The following LTBP1 variants were observed in gnomAD, a reference collection of about 807,000 sequenced individuals.
LTBP1 encodes the protein latent-transforming growth factor beta-binding protein 1.
LTBP1 carries 129 observed loss-of-function variants against 207.6 expected under a neutral mutation model. The observed-to-expected ratio is 0.62, with a 90% CI of 0.54 to 0.72. The LOEUF is 0.72. Ranked by LOEUF, LTBP1 falls within the 30% of genes least tolerant of loss-of-function variation. LTBP1 has a pLI of 0.00. For synonymous variants in LTBP1, 963 were observed against 833.7 expected (o/e 1.16, Z -2.67); for missense variants, 2,281 against 2,217.2 (o/e 1.03, Z -0.58).
chr2:33,257,371 A>G lies in LTBP1; in HGVS notation c.2255A>G (p.Lys752Arg). 6.2e-7 allele frequency: 1 copy of G among 1,614,178 alleles called. No individual in the cohort carries two copies. The highest frequency in any genetic ancestry group is 8.5e-7 in the Non-Finnish European group (1 of 1,180,024). ...AGGCCAATCCATCACCATGTAGGTA[A>G]AGGACCTGTATTTGTCAAGCCAAAG... ...RRRPIHHHVG[K>R]GPVFVKPKNT... Residue 752 changes from lysine to arginine, a missense_variant, in exon 12 of 34, where the codon AAA becomes AGA. Around this residue, in one of 3 missense-constraint regions of LTBP1, gnomAD observed 1,671 missense variants for 1,634.8 expected, o/e 1.02. Transcript: ENST00000404816.
intron 5 of LTBP1, among the ~76,000 whole-genome samples, chr2:33,152,214 G>A (rs2083595530): frequency 6.6e-6 from 1 of 151,926 alleles, no homozygotes; most frequent in African/African-American, 2.4e-5. Flanking sequence ...ACTCAAAAAA[G>A]CAGTAAGAAA....
intron 7 of LTBP1, among the ~76,000 whole-genome samples, chr2:33,205,789 A>G (rs918993741): frequency 3.9e-5 from 6 of 152,140 alleles, no homozygotes; most frequent in Admixed American, 1.3e-4. Context: ...CTAAAAGGAG[A>G]TAACTAAGGT....
intron 3 of LTBP1, among the ~76,000 whole-genome samples, chr2:33,050,691 T>C (rs1191322301): frequency 6.6e-6 from 1 of 152,172 alleles, no homozygotes; most frequent in African/African-American, 2.4e-5. Context: ...AGGTTTCCTC[T>C]TTATTCCATT....
intron 24 of LTBP1, among the ~76,000 whole-genome samples, chr2:33,327,118 C>T (rs972455521): frequency 3.9e-5 from 6 of 152,046 alleles, no homozygotes; most frequent in African/African-American, 1.4e-4. Context: ...GCCTTGGAGC[C>T]CACTCTCAGT....
At chr2:33,320,638 A>G (rs2094340915) in intron 24 of LTBP1, among the ~76,000 whole-genome samples, 1 of 152,232 alleles carries the variant, frequency 6.6e-6, no homozygotes, top group Non-Finnish European at 1.5e-5. Context: ...GTAAGGGAGC[A>G]TGAGATGGCA....
At chr2:33,209,477 T>G (rs1362021746) in intron 7 of LTBP1, among the ~76,000 whole-genome samples, 1 of 152,170 alleles carries the variant, frequency 6.6e-6, no homozygotes, top group African/African-American at 2.4e-5. Flanking sequence ...CGTCAATATT[T>G]ACAAGTTGAA....
At chr2:32,993,197 G>T (rs1240886886) in intron 2 of LTBP1, among the ~76,000 whole-genome samples, 2 of 151,998 alleles carry the variant, frequency 1.3e-5, no homozygotes, top group Non-Finnish European at 2.9e-5. Flanking sequence ...GCAAGGGAGG[G>T]TCCTTGATCA....
At chr2:33,233,325 TTTTTAA>T (rs1211073416) in intron 9 of LTBP1, among the ~76,000 whole-genome samples, 1 of 152,162 alleles carries the variant, frequency 6.6e-6, no homozygotes, top group African/African-American at 2.4e-5. Flanking sequence ...ATTTGTTACA[TTTTTAA>T]TTTTAAGACT....
At position 33,134,480 on chromosome 2, in the gene LTBP1, G is replaced by A; in HGVS notation, c.1034-313G>A. 8.4e-7 allele frequency: 1 copy of A among 1,189,338 alleles called. No individual in the cohort carries two copies. Among genetic ancestry groups the A allele is most frequent in the Non-Finnish European group, 1.2e-6 (1 of 851,108 alleles). 73.7% of individuals were successfully genotyped at this position (1,189,338 alleles called of 1,614,324 possible). On this transcript the variant is annotated intron_variant, in intron 4 of 33. Transcript: ENST00000404816. This position sits in a 1 kb window ranked among gnomAD's most constrained non-coding sequence, Gnocchi z 4.4. ...GTGCCCTCGGTATTGCTCTTTGTCT[G>A]CCCGTGAATAAAGTGCAGCATTGTG... is the stretch of plus-strand genomic sequence containing the variant.
chr2:33,118,724 C>T (rs2080923482), intron 4 of LTBP1, among the ~76,000 whole-genome samples: 1 of 152,168 alleles, frequency 6.6e-6, no homozygotes, highest in Non-Finnish European at 1.5e-5. Flanking sequence ...AGGATATGAT[C>T]TATTGCAAAG....
At chr2:33,045,679 A>G (rs1239437322) in intron 3 of LTBP1, among the ~76,000 whole-genome samples, 1 of 152,188 alleles carries the variant, frequency 6.6e-6, no homozygotes, top group Admixed American at 6.5e-5. Flanking sequence ...TGGGGATAGC[A>G]TTGAATCTAT....
intron 3 of LTBP1, among the ~76,000 whole-genome samples, chr2:33,063,440 C>T (rs993443260): frequency 3.9e-5 from 6 of 152,066 alleles, no homozygotes; most frequent in East Asian, 1.9e-4. Context: ...TTATGGTAAA[C>T]ATTAATGGTA....
At chr2:33,149,748 G>A (rs958524521) in intron 5 of LTBP1, among the ~76,000 whole-genome samples, 4 of 152,044 alleles carry the variant, frequency 2.6e-5, no homozygotes, top group Non-Finnish European at 5.9e-5. Context: ...TTTTTTGCAC[G>A]TCTCAGAAGT....
Position 33,134,325 on chromosome 2 carries a change from A to G in LTBP1, c.1034-468A>G. On this transcript the variant is annotated intron_variant, in intron 4 of 33. Transcript: ENST00000404816. The surrounding 1 kb of genome is among the most constrained non-coding windows in gnomAD (Gnocchi z 4.4). The stretch of plus-strand genomic sequence containing the variant: ...AACATTTCCAGGGGTCGGGCTGCAA[A>G]TAGTGACTTAATAAGTGGAGAAACA... 4 of 428,088 alleles carry G rather than the reference A, an allele frequency of 9.3e-6. No homozygotes were observed. Among genetic ancestry groups the G allele is most frequent in the South Asian group, 6.9e-5 (4 of 57,842 alleles). 26.5% of individuals were successfully genotyped at this position (428,088 alleles called of 1,614,324 possible). A position where few individuals can be genotyped will look rare whatever the true frequency, so the allele number is the denominator to read the frequency against.
At chr2:33,074,857 G>A (rs1275619912) in intron 3 of LTBP1, among the ~76,000 whole-genome samples, 1 of 142,258 alleles carries the variant, frequency 7.0e-6, no homozygotes, top group Admixed American at 7.1e-5. Context: ...GCAACAGAGC[G>A]AGACTCCATC....
At chr2:32,995,507 C>T (rs182272657) in intron 2 of LTBP1, among the ~76,000 whole-genome samples, 14 of 152,242 alleles carry the variant, frequency 9.2e-5, no homozygotes, top group Admixed American at 3.3e-4. Flanking sequence ...TTTGGCCGGG[C>T]GCGGTGGCTC....
chr2:32,979,838 T>C (rs1233555934), intron 2 of LTBP1, among the ~76,000 whole-genome samples: 4 of 152,150 alleles, frequency 2.6e-5, no homozygotes, highest in Non-Finnish European at 5.9e-5. Flanking sequence ...TCTACTAATA[T>C]TTGCTTTATA....
chr2:33,094,158 A>C (rs953210852), intron 3 of LTBP1, among the ~76,000 whole-genome samples: 7 of 152,162 alleles, frequency 4.6e-5, no homozygotes, highest in Admixed American at 2.6e-4. Flanking sequence ...CTGCAAAACA[A>C]CTTGTTTGGA....
chr2:33,242,120 G>A (rs2092347207), intron 9 of LTBP1, among the ~76,000 whole-genome samples: 1 of 152,192 alleles, frequency 6.6e-6, no homozygotes, highest in South Asian at 2.1e-4. Context: ...CATGCTCTGA[G>A]TAAAATATGT....
Sources: gnomAD v4.1 joint callset for allele counts (sites outside exome capture counted in the v4.1 genomes callset) on GRCh38, gnomAD v4.1.1 for gene constraint, gnomAD v4.1.1 regional missense constraint, Gnocchi (gnomAD v3.1) non-coding constraint, MANE v1.5 for transcripts, NCBI Gene and HGNC (gene_info 2026-07-23, HGNC 2026-07-21) for gene names.